The following LGSN variants were observed in gnomAD, a reference collection of about 807,000 sequenced individuals.
LGSN encodes lengsin.
In LGSN, 21 loss-of-function variants were observed where a neutral mutation model predicts 19.5. The ratio of observed to expected loss-of-function variants is 1.07; its 90% CI spans 0.76 to 1.55. The LOEUF is 1.55. LGSN is among the 40% of genes most tolerant of loss of function. The pLI is 0.00. For missense variants in LGSN, 673 were observed against 608.5 expected (o/e 1.11, Z -1.12); for synonymous variants, 257 against 215.6 (o/e 1.19, Z -1.68).
At chr6:63,434,126 C>G in the LGSN span, among the ~76,000 whole-genome samples, 1 of 152,158 alleles carries the variant, frequency 6.6e-6, no homozygotes, top group Non-Finnish European at 1.5e-5. Flanking sequence ...GTAGTTGTCA[C>G]AGAGGGCTGC....
chr6:63,569,309 G>A, the LGSN span, among the ~76,000 whole-genome samples: 2 of 152,236 alleles, frequency 1.3e-5, no homozygotes, highest in East Asian at 3.8e-4. Context: ...AGGCTAGAGT[G>A]CAGTGCCATG....
the LGSN span, among the ~76,000 whole-genome samples, chr6:63,466,031 A>G: frequency 2.0e-5 from 3 of 152,142 alleles, no homozygotes; most frequent in Non-Finnish European, 4.4e-5. Context: ...GTGCCGTAGC[A>G]CCATCATAGT....
the LGSN span, among the ~76,000 whole-genome samples, chr6:63,405,157 A>G: frequency 6.6e-6 from 1 of 151,950 alleles, no homozygotes. Flanking sequence ...GTGGCTGCAT[A>G]GTATTCCATG....
chr6:63,384,489 T>TTTTGTGTG, the LGSN span, among the ~76,000 whole-genome samples: 6 of 131,504 alleles, frequency 4.6e-5, no homozygotes, highest in African/African-American at 1.7e-4. Context: ...AAATAACACC[T>TTTTGTGTG]TGTGTGTGTG....
At chr6:63,314,806 A>T (rs894672917) in intron 1 of LGSN, among the ~76,000 whole-genome samples, 1 of 152,182 alleles carries the variant, frequency 6.6e-6, no homozygotes, top group African/African-American at 2.4e-5. Context: ...GAAAGAGCCG[A>T]CTCAAGAAAG....
At chr6:63,557,394 T>C in the LGSN span, among the ~76,000 whole-genome samples, 1 of 152,006 alleles carries the variant, frequency 6.6e-6, no homozygotes, top group Non-Finnish European at 1.5e-5. Flanking sequence ...GGTGAAACCC[T>C]GTCTCTACTA....
At chr6:63,458,915 C>T in the LGSN span, among the ~76,000 whole-genome samples, 1 of 152,244 alleles carries the variant, frequency 6.6e-6, no homozygotes, top group Middle Eastern at 3.4e-3. Flanking sequence ...ACAAATTAGG[C>T]TCAGTTTTTT....
the LGSN span, among the ~76,000 whole-genome samples, chr6:63,386,118 T>A: frequency 6.6e-6 from 1 of 152,162 alleles, no homozygotes; most frequent in African/African-American, 2.4e-5. Flanking sequence ...TGCCAGAGAT[T>A]TAAGGATTTA....
At chr6:63,481,979 G>A in the LGSN span, 3 of 155,788 alleles carry the variant, frequency 1.9e-5, no homozygotes, top group Admixed American at 6.5e-5. Context: ...GAAAGTTTTC[G>A]TTATCTTCTA....
the LGSN span, among the ~76,000 whole-genome samples, chr6:63,445,039 C>T: frequency 2.0e-5 from 3 of 152,300 alleles, no homozygotes; most frequent in East Asian, 1.9e-4. Context: ...TAGCCTGGCG[C>T]GGTGGCTTTT....
the LGSN span, among the ~76,000 whole-genome samples, chr6:63,467,714 C>T: frequency 3.9e-5 from 6 of 152,208 alleles, no homozygotes; most frequent in South Asian, 2.1e-4. Flanking sequence ...GTTTTTGAGA[C>T]GGAGTCTCAC....
the LGSN span, among the ~76,000 whole-genome samples, chr6:63,453,946 G>A: frequency 5.3e-5 from 8 of 151,982 alleles, no homozygotes; most frequent in South Asian, 2.1e-4. Flanking sequence ...GTGAGCCACC[G>A]CGCCCGGCCG....
chr6:63,444,493 T>C, the LGSN span, among the ~76,000 whole-genome samples: 1 of 152,206 alleles, frequency 6.6e-6, no homozygotes, highest in Non-Finnish European at 1.5e-5. Flanking sequence ...TAGAGATGTA[T>C]TCTGTTTATT....
At chr6:63,467,044 A>C in the LGSN span, among the ~76,000 whole-genome samples, 1 of 152,172 alleles carries the variant, frequency 6.6e-6, no homozygotes, top group Non-Finnish European at 1.5e-5. Context: ...TTGACATAGA[A>C]AAAAATTCAG....
the LGSN span, among the ~76,000 whole-genome samples, chr6:63,456,563 T>C: frequency 1.3e-5 from 2 of 151,598 alleles, no homozygotes; most frequent in Non-Finnish European, 2.9e-5. Flanking sequence ...AGGTTGACAG[T>C]TATTAGTTCA....
the LGSN span, among the ~76,000 whole-genome samples, chr6:63,409,830 G>A: frequency 6.6e-6 from 1 of 152,138 alleles, no homozygotes; most frequent in African/African-American, 2.4e-5. Context: ...GAGGTCAGGA[G>A]TTCAAGACCA....
the LGSN span, among the ~76,000 whole-genome samples, chr6:63,485,696 G>C: frequency 6.6e-6 from 1 of 152,022 alleles, no homozygotes; most frequent in Non-Finnish European, 1.5e-5. Flanking sequence ...TCCAGCATCT[G>C]TTATTTTCAG....
the LGSN span, among the ~76,000 whole-genome samples, chr6:63,489,947 T>A: frequency 7.2e-5 from 11 of 152,088 alleles, no homozygotes; most frequent in African/African-American, 2.2e-4. Context: ...TGACATCAGG[T>A]GATTCACTTG....
intron 1 of LGSN, 55 bp downstream of exon 1, chr6:63,319,857 TAA>T: frequency 7.9e-7 from 1 of 1,263,204 alleles, no homozygotes; most frequent in Non-Finnish European, 1.2e-6. Flanking sequence ...TGACATTTTT[TAA>T]AAAGATTTAC....
Sources: gnomAD v4.1 joint callset for allele counts (sites outside exome capture counted in the v4.1 genomes callset) on GRCh38, gnomAD v4.1.1 for gene constraint, MANE v1.5 for transcripts, NCBI Gene and HGNC (gene_info 2026-07-23, HGNC 2026-07-21) for gene names.